Variants in LRP1B observed in about 807,000 individuals in gnomAD.
The protein encoded by LRP1B is low-density lipoprotein receptor-related protein 1B.
Under a neutral mutation model 556.6 loss-of-function variants are expected in LRP1B, and 217 were observed. That is an observed-to-expected ratio of 0.39 (90% confidence interval 0.35 to 0.44). The LOEUF (loss-of-function observed/expected upper bound fraction) is 0.44. LRP1B is among the 20% of genes least tolerant of loss of function. The pLI is 1.00. For synonymous variants in LRP1B, 2,047 were observed against 1,865.8 expected (o/e 1.10, Z -2.50); for missense variants, 5,053 against 5,620.8 (o/e 0.90, Z 3.23).
chr2:140,994,955 G>A (rs114982368), intron 15 of LRP1B, among the ~76,000 whole-genome samples: 7,002 of 152,056 alleles, frequency 0.046, 234 homozygotes, highest in Non-Finnish European at 0.071. Flanking sequence ...CTGGGTGAAA[G>A]TTGACATGTA....
rs1247416321 is a variant in LRP1B, at chr2:140,449,712, T to G, written c.10057+856A>C. Among the ~76,000 whole-genome samples, 5 of 152,074 alleles carry G rather than the reference T, an allele frequency of 3.3e-5. No homozygotes were observed. In the East Asian group the frequency reaches 7.7e-4, roughly 23 times the overall value. On this transcript the variant is annotated intron_variant, in intron 63 of 90. Coordinates refer to ENST00000389484, the MANE Select transcript of LRP1B (RefSeq NM_018557.3). ...AGATAACCTAAATTTCAAAAAAGCT[T>G]TATAATAAGGTGGTAGCAAGCTCTC...
At chr2:140,378,136 G>T (rs2105182523) in intron 68 of LRP1B, 44 bp downstream of exon 68, 1 of 1,286,866 alleles carries the variant, frequency 7.8e-7, no homozygotes, top group Non-Finnish European at 1.1e-6. Flanking sequence ...TACAAATGTG[G>T]TTCTAAAGCG....
At chr2:140,608,527 T>G (rs17194671) in intron 41 of LRP1B, among the ~76,000 whole-genome samples, 1 of 152,202 alleles carries the variant, frequency 6.6e-6, no homozygotes, top group Non-Finnish European at 1.5e-5. Context: ...TCTTTTGTCC[T>G]TATTATTGCA....
Position 140,261,675 on chromosome 2 carries a change from A to G in LRP1B, c.13247+8567T>C, listed in dbSNP as rs11894564. Among the ~76,000 whole-genome samples, 1,093 of 152,034 alleles carry G rather than the reference A, an allele frequency of 7.2e-3. 14 individuals are homozygous for G. Among genetic ancestry groups the G allele is most frequent in the African/African-American group, 0.025 (1,019 of 41,504 alleles). On this transcript the variant is annotated intron_variant, in intron 86 of 90. Transcript: ENST00000389484. ...GCACCCATTAAAACTAAAAGCATTT[A>G]ATTATACAAATTAACATGCAATGCT...
At chr2:142,109,532 A>C (rs1002563887) in intron 1 of LRP1B, among the ~76,000 whole-genome samples, 14 of 152,236 alleles carry the variant, frequency 9.2e-5, no homozygotes, top group Non-Finnish European at 1.8e-4. Flanking sequence ...TACTTCTGAT[A>C]GCAGTTCTGT....
rs185278120 is a variant in LRP1B at position 140,526,325 on chromosome 2, G to A, written c.7788C>T (p.Phe2596=). 9.3e-6 allele frequency: 15 copies of A among 1,611,594 alleles called. No individual in the cohort carries two copies. The Admixed American group carries it at 2.0e-4, about 22-fold the overall frequency. Residue 2596 remains phenylalanine (F), a synonymous_variant, in exon 48 of 91, where the codon TTC becomes TTT. Coordinates refer to ENST00000389484, the MANE Select transcript of LRP1B (RefSeq NM_018557.3). ...CKVSTCATVE[F]RCADGTCIPR... ...GAATACAAGTCCCATCTGCACAGCG[G>A]AACTCAACCGTGGCACAGGTTGAAA...
At chr2:140,427,712 C>A (rs1252324291) in intron 66 of LRP1B, among the ~76,000 whole-genome samples, 1 of 151,966 alleles carries the variant, frequency 6.6e-6, no homozygotes, top group South Asian at 2.1e-4. Context: ...TTCCTTCTTT[C>A]CCCACCACCT....
intron 18 of LRP1B, among the ~76,000 whole-genome samples, chr2:140,965,297 C>T (rs1049095276): frequency 4.0e-5 from 6 of 151,894 alleles, no homozygotes; most frequent in Non-Finnish European, 5.9e-5. Context: ...GTCATTGTAA[C>T]TATGCACAGA....
chr2:141,216,321 T>C (rs1682810494), intron 6 of LRP1B, among the ~76,000 whole-genome samples: 1 of 152,196 alleles, frequency 6.6e-6, no homozygotes, highest in African/African-American at 2.4e-5. Context: ...GCAGAGAGTA[T>C]AAGAGTGGTG....
chr2:142,124,549 A>ATTTAATCCTGTTGTC (rs1553519820), intron 1 of LRP1B, among the ~76,000 whole-genome samples: 1 of 151,844 alleles, frequency 6.6e-6, no homozygotes, highest in South Asian at 2.1e-4. Context: ...TTAATGTTTC[A>ATTTAATCCTGTTGTC]CAAAATGGAG....
intron 3 of LRP1B, among the ~76,000 whole-genome samples, chr2:141,262,721 A>G (rs1419171971): frequency 1.3e-5 from 2 of 152,150 alleles, no homozygotes; most frequent in Non-Finnish European, 2.9e-5. Flanking sequence ...TGAATTGACC[A>G]AGTATCCATG....
intron 14 of LRP1B, among the ~76,000 whole-genome samples, chr2:141,013,202 A>G (rs1000882721): frequency 6.6e-6 from 1 of 151,974 alleles, no homozygotes; most frequent in African/African-American, 2.4e-5. Flanking sequence ...TTCTTTTCAA[A>G]CTAAGGAAGT....
chr2:141,593,339 A>G (rs1380058530), intron 2 of LRP1B, among the ~76,000 whole-genome samples: 1 of 152,312 alleles, frequency 6.6e-6, no homozygotes, highest in East Asian at 1.9e-4. Flanking sequence ...TGAATGAATG[A>G]TACTACTTTG....
At chr2:141,741,119 T>C (rs996656143) in intron 2 of LRP1B, among the ~76,000 whole-genome samples, 3 of 152,106 alleles carry the variant, frequency 2.0e-5, no homozygotes, top group Admixed American at 6.6e-5. Context: ...TATGGCTGAA[T>C]AGTACTCCAT....
intron 1 of LRP1B, 108 bp downstream of exon 1, chr2:142,130,540 G>T: frequency 1.1e-6 from 1 of 910,796 alleles, no homozygotes; most frequent in Non-Finnish European, 1.7e-6. Flanking sequence ...CCGGTCCCGG[G>T]GAGCGGAGCT....
chr2:140,239,596 A>T (rs1199884662), intron 87 of LRP1B, 64 bp from the exon 88 acceptor site: 2 of 1,062,022 alleles, frequency 1.9e-6, no homozygotes, highest in African/African-American at 3.2e-5. Flanking sequence ...TGATAAAACT[A>T]AGTACTTTAT....
At chr2:141,742,821 G>A (rs577551604) in intron 2 of LRP1B, among the ~76,000 whole-genome samples, 1 of 152,144 alleles carries the variant, frequency 6.6e-6, no homozygotes, top group Admixed American at 6.5e-5. Context: ...CATTGTACAA[G>A]CTTTCATTTC....
intron 86 of LRP1B, among the ~76,000 whole-genome samples, chr2:140,254,540 G>GTTTGTTTTGTTTGTTTGT (rs1553482563): frequency 6.6e-6 from 1 of 151,706 alleles, no homozygotes; most frequent in African/African-American, 2.4e-5. Flanking sequence ...TTGTTTGTTT[G>GTTTGTTTTGTTTGTTTGT]TTTGTTTTGT....
chr2:141,738,605 C>T (rs943306517), intron 2 of LRP1B, among the ~76,000 whole-genome samples: 5 of 152,064 alleles, frequency 3.3e-5, no homozygotes, highest in Non-Finnish European at 7.4e-5. Flanking sequence ...TCATGATACA[C>T]CTTTGAAGTT....
Sources: gnomAD v4.1 joint callset for allele counts (sites outside exome capture counted in the v4.1 genomes callset) on GRCh38, gnomAD v4.1.1 for gene constraint, MANE v1.5 for transcripts, NCBI Gene and HGNC (gene_info 2026-07-23, HGNC 2026-07-21) for gene names.